MGMT: variants seen among roughly 807,000 people sequenced by gnomAD.
MGMT encodes O-6-methylguanine-DNA methyltransferase.
Under a neutral mutation model 15.9 loss-of-function variants are expected in MGMT, and 14 were observed. The observed-to-expected ratio is 0.88, with a 90% CI of 0.58 to 1.37. The LOEUF is 1.37. MGMT is among the 40% of genes most tolerant of loss of function. The pLI is 0.00. For synonymous variants in MGMT, 130 were observed against 118.2 expected (o/e 1.10, Z -0.65); for missense variants, 282 against 268.1 (o/e 1.05, Z -0.36).
At chr10:129,484,069 C>A (rs1845385062) in intron 1 of MGMT, among the ~76,000 whole-genome samples, 2 of 152,090 alleles carry the variant, frequency 1.3e-5, no homozygotes, top group South Asian at 2.1e-4. Flanking sequence ...CATACAAGGT[C>A]AGGTGTGGAA....
intron 2 of MGMT, among the ~76,000 whole-genome samples, chr10:129,538,877 G>T (rs1846014047): frequency 6.6e-6 from 1 of 152,106 alleles, no homozygotes; most frequent in Admixed American, 6.5e-5. Flanking sequence ...CTTGTGATCT[G>T]CCTGCCTCGG....
intron 2 of MGMT, among the ~76,000 whole-genome samples, chr10:129,550,596 G>A (rs921577056): frequency 1.3e-5 from 2 of 151,918 alleles, no homozygotes; most frequent in East Asian, 1.9e-4. Flanking sequence ...ACAGGTGCAC[G>A]CCACCACGCC....
At chr10:129,747,029 C>A (rs186523571) in intron 3 of MGMT, among the ~76,000 whole-genome samples, 32 of 152,224 alleles carry the variant, frequency 2.1e-4, no homozygotes, top group Admixed American at 1.6e-3. Flanking sequence ...TAATTTCCAA[C>A]AAACAGAGCC....
intron 2 of MGMT, among the ~76,000 whole-genome samples, chr10:129,687,078 G>A (rs1564761208): frequency 6.6e-6 from 1 of 152,198 alleles, no homozygotes; most frequent in Non-Finnish European, 1.5e-5. Flanking sequence ...GCAACCCTGT[G>A]TCACAAATAG....
chr10:129,559,287 A>G (rs753825677), intron 2 of MGMT, among the ~76,000 whole-genome samples: 2 of 152,216 alleles, frequency 1.3e-5, no homozygotes, highest in Non-Finnish European at 2.9e-5. Flanking sequence ...AATATTTAAT[A>G]AGAATGAATA....
intron 2 of MGMT, among the ~76,000 whole-genome samples, chr10:129,665,599 C>T (rs748203188): frequency 2.6e-5 from 4 of 151,902 alleles, no homozygotes; most frequent in Admixed American, 6.6e-5. Context: ...TCAGTGGTAG[C>T]GAGGGATGGG....
At chr10:129,488,330 A>G (rs927484379) in intron 1 of MGMT, among the ~76,000 whole-genome samples, 12 of 152,264 alleles carry the variant, frequency 7.9e-5, no homozygotes, top group Admixed American at 7.8e-4. Flanking sequence ...ATTGAGAGCA[A>G]CCTTCAGCAT....
intron 1 of MGMT, among the ~76,000 whole-genome samples, chr10:129,507,152 G>C (rs530614902): frequency 2.6e-5 from 4 of 152,346 alleles, no homozygotes; most frequent in African/African-American, 9.6e-5. Flanking sequence ...GGGTGAAACA[G>C]GACTGATCTA....
intron 2 of MGMT, among the ~76,000 whole-genome samples, chr10:129,690,074 GTCCT>G (rs1301877498): frequency 6.6e-6 from 1 of 152,182 alleles, no homozygotes; most frequent in Non-Finnish European, 1.5e-5. Context: ...TTCCCCCTCT[GTCCT>G]TTGGATCTTA....
intron 1 of MGMT, among the ~76,000 whole-genome samples, chr10:129,525,882 G>A (rs879363352): frequency 2.6e-5 from 4 of 152,206 alleles, no homozygotes; most frequent in Admixed American, 1.3e-4. Context: ...CAGGGCTCCC[G>A]TGTTAGGCCC....
intron 1 of MGMT, among the ~76,000 whole-genome samples, chr10:129,485,112 G>A (rs1356011839): frequency 6.6e-6 from 1 of 152,086 alleles, no homozygotes; most frequent in Non-Finnish European, 1.5e-5. Context: ...CTGTGATCAG[G>A]AATTATTTGG....
chr10:129,588,573 C>T (rs974176541), intron 2 of MGMT, among the ~76,000 whole-genome samples: 8 of 152,296 alleles, frequency 5.3e-5, no homozygotes, highest in South Asian at 4.2e-4. Context: ...CACTGTGGCT[C>T]GGTGTGGCCA....
chr10:129,479,214 A>G (rs1467663941), intron 1 of MGMT, among the ~76,000 whole-genome samples: 1 of 151,966 alleles, frequency 6.6e-6, no homozygotes, highest in African/African-American at 2.4e-5. Flanking sequence ...CCTGCCACTA[A>G]TAGTTAGGGT....
chr10:129,667,519 T>G (rs1270361013), intron 2 of MGMT, among the ~76,000 whole-genome samples: 1 of 152,192 alleles, frequency 6.6e-6, no homozygotes, highest in African/African-American at 2.4e-5. Flanking sequence ...TTTATTAGTA[T>G]CTTCCACTCT....
chr10:129,512,492 G>A (rs1164501402), intron 1 of MGMT, among the ~76,000 whole-genome samples: 1 of 152,146 alleles, frequency 6.6e-6, no homozygotes, highest in Non-Finnish European at 1.5e-5. Flanking sequence ...CTCTGGAAGG[G>A]TCGTTCTCAT....
At chr10:129,635,481 T>TC in intron 2 of MGMT, among the ~76,000 whole-genome samples, 1 of 152,374 alleles carries the variant, frequency 6.6e-6, no homozygotes, top group Admixed American at 6.5e-5. Flanking sequence ...TACTTTGCTC[T>TC]CCAGTTTCTT....
At chr10:129,510,996 G>A (rs549000153) in intron 1 of MGMT, among the ~76,000 whole-genome samples, 4 of 148,022 alleles carry the variant, frequency 2.7e-5, no homozygotes, top group South Asian at 2.2e-4. Flanking sequence ...TATACCGTCC[G>A]CAGCCAGACA....
rs544566762 is a variant in MGMT, at chr10:129,566,154, C to A, written c.125+29777C>A. Among the ~76,000 whole-genome samples the A allele has an allele frequency of 6.6e-6, 1 of 152,336 alleles. No homozygotes were observed. The highest frequency in any genetic ancestry group is 1.5e-5 in the Non-Finnish European group (1 of 68,026). On this transcript the variant is annotated intron_variant, in intron 2 of 4. Coordinates refer to ENST00000651593, the MANE Select transcript of MGMT (RefSeq NM_002412.5). The surrounding 1 kb of genome is among the most constrained non-coding windows in gnomAD (Gnocchi z 4.1). ...GCTAGAGCAGGGTTCCCAGTGCCCC[C>A]AGGCTCTACTTTGCTCTGCCTGGTC...
chr10:129,495,047 A>G (rs1164034240), intron 1 of MGMT, among the ~76,000 whole-genome samples: 1 of 152,236 alleles, frequency 6.6e-6, no homozygotes, highest in African/African-American at 2.4e-5. Context: ...ACCCATTTAA[A>G]TAAACTCAGG....
Sources: allele counts gnomAD v4.1 joint callset (sites outside exome capture counted in the v4.1 genomes callset), GRCh38; gene constraint gnomAD v4.1.1; non-coding constraint Gnocchi (gnomAD v3.1); transcripts MANE v1.5; gene names NCBI Gene and HGNC (gene_info 2026-07-23, HGNC 2026-07-21).